Variants in BRD4 observed in about 807,000 individuals in gnomAD.
BRD4 encodes the protein bromodomain-containing protein 4.
A neutral mutation model predicts 142.1 loss-of-function variants in BRD4; 16 were observed. The ratio of observed to expected loss-of-function variants is 0.11; its 90% CI spans 0.08 to 0.17. The LOEUF (loss-of-function observed/expected upper bound fraction) is 0.17. BRD4 is among the 10% of genes least tolerant of loss of function. The probability of loss-of-function intolerance (pLI) is 1.00; values close to 1 mark genes in which losing one functional copy is unlikely to be tolerated. For synonymous variants in BRD4, 833 were observed against 707.5 expected, an observed-to-expected ratio of 1.18 and a Z score of -2.82; for missense variants, 1,424 against 1,810.9, an observed-to-expected ratio of 0.79 and a Z score of 3.88.
intron 4 of BRD4, 40 bp downstream of exon 4, chr19:15,267,376 C>A: frequency 6.2e-7 from 1 of 1,606,784 alleles, no homozygotes; most frequent in Non-Finnish European, 8.5e-7. Flanking sequence ...GGACAAAGGT[C>A]GGGGAGAAAG....
Position 15,244,273 on chromosome 19 carries a change from T to C in BRD4, c.2539A>G (p.Thr847Ala). 6.3e-7 allele frequency: 1 copy of C among 1,586,468 alleles called. No individual in the cohort carries two copies. The highest frequency in any genetic ancestry group is 8.6e-7 in the Non-Finnish European group (1 of 1,168,900). Residue 847 changes from threonine (T) to alanine (A), a missense_variant, in exon 13 of 20, where the codon ACT becomes GCT. Around this residue, in one of 16 missense-constraint regions of BRD4, gnomAD observed 598 missense variants for 647.8 expected, o/e 0.92. Coordinates refer to ENST00000679869, the MANE Select transcript of BRD4 (RefSeq NM_001379291.1). The part of the protein sequence containing the change: ...PHLPQPPEHS[T>A]PPHLNQHAVV... Reference sequence around the variant, plus strand: ...GCGTGCTGGTTGAGATGGGGTGGAGTGCTGTGCTCAGGCGGCTGGGGCAGG... The same window carrying C: ...GCGTGCTGGTTGAGATGGGGTGGAGCGCTGTGCTCAGGCGGCTGGGGCAGG...
chr19:15,272,918 T>G lies in BRD4; in HGVS notation c.182A>C (p.Asn61Thr). ...SNPNKPKRQT[N>T]QLQYLLRVVL... The stretch of plus-strand genomic sequence containing the variant: ...CACTCTGAGCAGGTATTGCAGTTGG[T>G]TGGTCTGCCTCTTGGGCTTGTTAGG... Residue 61 changes from asparagine (N) to threonine (T), a missense_variant, in exon 2 of 20, where the codon AAC becomes ACC. Transcript: ENST00000679869. 1 of 1,614,132 alleles carries G rather than the reference T, an allele frequency of 6.2e-7. No individual in the cohort carries two copies. The highest frequency in any genetic ancestry group is 8.5e-7 in the Non-Finnish European group (1 of 1,180,024).
rs764438642 is a variant in BRD4 at position 15,239,097 on chromosome 19, A to G, written c.3744T>C (p.Ala1248=). 20 of 1,606,538 alleles carry G rather than the reference A, an allele frequency of 1.2e-5. No individual in the cohort carries two copies. ...EKALKAQAEH[A]EKEKERLRQE... ...GCCGCAGCCGCTCCTTCTCCTTCTC[A>G]GCGTGCTCGGCCTGAGCCTTCAGGG... is the stretch of plus-strand genomic sequence containing the variant. The change falls in exon 18 of 20, where the codon GCT becomes GCC. Residue 1248 remains alanine, a synonymous_variant. Coordinates refer to ENST00000679869, the MANE Select transcript of BRD4 (RefSeq NM_001379291.1). This position sits in a 1 kb window ranked among gnomAD's most constrained non-coding sequence, Gnocchi z 7.4.
At chr19:15,326,227 C>T (rs2048107351) in intron 1 of BRD4, among the ~76,000 whole-genome samples, 1 of 149,958 alleles carries the variant, frequency 6.7e-6, no homozygotes, top group South Asian at 2.1e-4. Flanking sequence ...CTTTGGGACG[C>T]CGAGGTAGGC....
At chr19:15,283,258 G>A (rs2047718046) in intron 1 of BRD4, among the ~76,000 whole-genome samples, 3 of 152,092 alleles carry the variant, frequency 2.0e-5, no homozygotes, top group Non-Finnish European at 2.9e-5. Context: ...TGAGAAGAAA[G>A]TTTAAGAGTG....
chr19:15,260,731 A>G (rs1431074443), intron 7 of BRD4, among the ~76,000 whole-genome samples: 1 of 151,534 alleles, frequency 6.6e-6, no homozygotes, highest in Non-Finnish European at 1.5e-5. Context: ...GGTGTGACAG[A>G]CATCCAGTGG....
intron 7 of BRD4, among the ~76,000 whole-genome samples, chr19:15,259,980 T>TA (rs565212018): frequency 7.2e-4 from 109 of 152,188 alleles, no homozygotes; most frequent in African/African-American, 2.0e-3. Context: ...TGGTGAGGGG[T>TA]AGCAGGCACC....
Position 15,239,763 on chromosome 19 carries a change from T to A in BRD4, c.3341A>T (p.Lys1114Met). 1.2e-6 allele frequency: 2 copies of A among 1,611,122 alleles called. No homozygotes were observed. Among genetic ancestry groups the A allele is most frequent in the Non-Finnish European group, 1.7e-6 (2 of 1,179,706 alleles). Residue 1114 changes from lysine to methionine, a missense_variant, in exon 16 of 20, where the codon AAG (lysine) becomes ATG (methionine). Physicochemically the swap from Lys to Met is moderately conservative, Grantham distance 95. Around this residue, in one of 16 missense-constraint regions of BRD4, gnomAD observed 598 missense variants for 647.8 expected, o/e 0.92. Coordinates refer to ENST00000679869, the MANE Select transcript of BRD4 (RefSeq NM_001379291.1). This position sits in a 1 kb window ranked among gnomAD's most constrained non-coding sequence, Gnocchi z 7.4. ...GCTGCGGATGATGGGTGAGTGGATC[T>A]TCTCCTCCTTCACCACCACGAGGGG... ...PQPLVVVKEE[K>M]IHSPIIRSEP...
chr19:15,295,421 C>T (rs1468047364), intron 1 of BRD4, among the ~76,000 whole-genome samples: 1 of 152,206 alleles, frequency 6.6e-6, no homozygotes, highest in Non-Finnish European at 1.5e-5. Flanking sequence ...AAAGGCTTTC[C>T]GTGTGTCCTC....
rs367727602 is a variant in BRD4, at chr19:15,243,309, G to A, written c.2760C>T (p.Ala920=). The change falls in exon 14 of 20, where the codon GCC becomes GCT. Residue 920 remains alanine, a synonymous_variant. Transcript: ENST00000679869. The part of the protein sequence containing the change: ...QVLLEDEEPP[A]PPLTSMQMQL... ...GCATCTGCATGGAGGTGAGGGGTGG[G>A]GCAGGTGGCTCTTCATCCTCCAGCA... 1.4e-6 allele frequency: 2 copies of A among 1,419,064 alleles called. No individual in the cohort carries two copies. The highest frequency in any genetic ancestry group is 9.3e-7 in the Non-Finnish European group (1 of 1,077,718). The allele number at this position is 1,419,064 out of a possible 1,614,324, so 87.9% of individuals were successfully genotyped here. A position where few individuals can be genotyped will look rare whatever the true frequency, so the allele number is the denominator to read the frequency against.
chr19:15,241,427 G>A (rs1224021582), intron 14 of BRD4, among the ~76,000 whole-genome samples: 1 of 152,212 alleles, frequency 6.6e-6, no homozygotes, highest in Admixed American at 6.5e-5. Flanking sequence ...CTGGCTGGGG[G>A]CCCAGGGATG....
chr19:15,238,191 T>G lies in BRD4; in HGVS notation c.*186A>C. 5 of 923,010 alleles carry G rather than the reference T, an allele frequency of 5.4e-6. No homozygotes were observed. The highest frequency in any genetic ancestry group is 8.0e-6 in the Non-Finnish European group (5 of 625,968). The allele number at this position is 923,010 out of a possible 1,614,324, so 57.2% of individuals were successfully genotyped here. ...GTGGGTGGCGGGACGTCTGTCCGACTGGCCGTAAGGCAGACAGGCTCTGCA... is the reference window on the plus strand; with the variant it reads ...GTGGGTGGCGGGACGTCTGTCCGACGGGCCGTAAGGCAGACAGGCTCTGCA... On this transcript the variant is annotated 3_prime_UTR_variant, in exon 20 of 20. Coordinates refer to ENST00000679869, the MANE Select transcript of BRD4 (RefSeq NM_001379291.1). The surrounding 1 kb of genome is among the most constrained non-coding windows in gnomAD (Gnocchi z 7.2).
chr19:15,299,199 G>A (rs2047848063), intron 1 of BRD4, among the ~76,000 whole-genome samples: 1 of 152,166 alleles, frequency 6.6e-6, no homozygotes, highest in Admixed American at 6.5e-5. Flanking sequence ...TGTCTTAAGG[G>A]AGAAGGCCCC....
intron 1 of BRD4, among the ~76,000 whole-genome samples, chr19:15,286,681 T>G (rs1006622184): frequency 2.0e-5 from 3 of 152,234 alleles, no homozygotes; most frequent in Admixed American, 2.0e-4. Flanking sequence ...ATATGTGATC[T>G]GTATTTAGAT....
At chr19:15,265,273 C>A (rs1599465063) in intron 5 of BRD4, 81 bp downstream of exon 5, 4 of 1,327,202 alleles carry the variant, frequency 3.0e-6, no homozygotes, top group Non-Finnish European at 3.0e-6. Flanking sequence ...GGACCCAGGA[C>A]AGGCTCTGTG....
In BRD4 at chr19:15,255,358, G is replaced by A; in HGVS notation, c.1986C>T (p.Ser662=). ...IEIDFETLKP[S]TLRELERYVT... is the part of the protein sequence containing the mutation. The stretch of plus-strand genomic sequence containing the variant: ...CATAGCGCTCCAGCTCACGCAGTGT[G>A]GACGGCTTCAGGGTCTCAAAGTCGA... The change falls in exon 10 of 20, where the codon TCC becomes TCT. Residue 662 remains serine (S), a synonymous_variant. Transcript: ENST00000679869. 6.2e-7 allele frequency: 1 copy of A among 1,614,114 alleles called. No individual in the cohort carries two copies.
In BRD4 at chr19:15,326,015, A is replaced by G. The variant is rs565165435; in HGVS notation, c.-35+6275T>C. 9.4e-3 allele frequency among the ~76,000 whole-genome samples: 1,401 copies of G among 149,366 alleles called. 9 individuals are homozygous for G. The highest frequency in any genetic ancestry group is 0.017 in the Middle Eastern group (5 of 292). ...TCCGTCTCAAAAAAAAAAAAAAAAA[A>G]AAAGAAAGAAAGAAAAAGAAAACTT... is the stretch of plus-strand genomic sequence containing the variant. On this transcript the variant is annotated intron_variant, in intron 1 of 19. Coordinates refer to ENST00000679869, the MANE Select transcript of BRD4 (RefSeq NM_001379291.1).
intron 11 of BRD4, among the ~76,000 whole-genome samples, chr19:15,251,224 G>A (rs910773105): frequency 1.3e-5 from 2 of 151,896 alleles, no homozygotes; most frequent in Non-Finnish European, 2.9e-5. Context: ...ACCACCCCAC[G>A]CCTGCATCAG....
intron 11 of BRD4, chr19:15,247,673 C>T (rs1013544698): frequency 4.3e-6 from 1 of 233,006 alleles, no homozygotes; most frequent in Admixed American, 5.6e-5. Context: ...CCAGCAGCTC[C>T]CCAATTGTCC....
Sources: gnomAD v4.1 joint callset for allele counts (sites outside exome capture counted in the v4.1 genomes callset) on GRCh38, gnomAD v4.1.1 for gene constraint, gnomAD v4.1.1 regional missense constraint, Gnocchi (gnomAD v3.1) non-coding constraint, MANE v1.5 for transcripts, NCBI Gene and HGNC (gene_info 2026-07-23, HGNC 2026-07-21) for gene names.